Variants in EPB41L1 observed in about 807,000 individuals in gnomAD.
EPB41L1 encodes the protein band 4.1-like protein 1.
Under a neutral mutation model 97.8 loss-of-function variants are expected in EPB41L1, and 29 were observed. The observed-to-expected ratio is 0.30, with a 90% CI of 0.22 to 0.40. The LOEUF (loss-of-function observed/expected upper bound fraction) is 0.40. Among genes scored for constraint, EPB41L1 ranks in the 10% least tolerant of loss-of-function variants. The pLI, the probability that EPB41L1 is intolerant of heterozygous loss-of-function variation, is 1.00. For synonymous variants in EPB41L1, 383 were observed against 459.2 expected, an observed-to-expected ratio of 0.83 and a Z score of 2.12; for missense variants, 812 against 1,162.3, an observed-to-expected ratio of 0.70 and a Z score of 4.38.
chr20:36,139,740 A>T (rs1031456239), intron 2 of EPB41L1, among the ~76,000 whole-genome samples: 20 of 151,762 alleles, frequency 1.3e-4, no homozygotes, highest in African/African-American at 2.2e-4. Context: ...TTATTTATTT[A>T]TTTTTTTTAA....
At position 36,114,396 on chromosome 20, in the gene EPB41L1, T is replaced by C. The variant is rs147410971; in HGVS notation, c.-10+1916T>C. Among the ~76,000 whole-genome samples the C allele has an allele frequency of 7.9e-5, 12 of 152,190 alleles. No homozygotes were observed. In the East Asian group the frequency reaches 2.3e-3, roughly 29 times the overall value. On this transcript the variant is annotated intron_variant, in intron 2 of 19. Transcript: ENST00000202028. Reference sequence around the variant, plus strand: ...GGGTCTAAAGACCACTGGGTCAGGGTATTCTTGAGAACATGCTTTGAAAAC... The same window carrying C: ...GGGTCTAAAGACCACTGGGTCAGGGCATTCTTGAGAACATGCTTTGAAAAC...
chr20:36,218,972 C>G lies in EPB41L1; in HGVS notation c.2355+10C>G, dbSNP rs1188629339. ...CCGTTCTCTTTCTCCGGTAAGTGGGCAAGGCCAGCTCAGGCTAGGGGACTC... is the reference window on the plus strand; with the variant it reads ...CCGTTCTCTTTCTCCGGTAAGTGGGGAAGGCCAGCTCAGGCTAGGGGACTC... On this transcript the variant is annotated intron_variant, in intron 18 of 21. Transcript: ENST00000338074. 3 of 1,613,576 alleles carry G rather than the reference C, an allele frequency of 1.9e-6. No individual in the cohort carries two copies. Among genetic ancestry groups the G allele is most frequent in the Admixed American group, 1.7e-5 (1 of 59,986 alleles).
intron 14 of EPB41L1, among the ~76,000 whole-genome samples, chr20:36,208,849 G>T (rs953709666): frequency 6.6e-6 from 1 of 152,136 alleles, no homozygotes; most frequent in Non-Finnish European, 1.5e-5. Context: ...CTTGCCTGTG[G>T]TCCACTCATG....
intron 2 of EPB41L1, chr20:36,125,635 G>T (rs1336082220): frequency 1.3e-6 from 2 of 1,486,186 alleles, no homozygotes; most frequent in African/African-American, 1.4e-5. Flanking sequence ...TCCTGTGTGT[G>T]TTGGGGACGG....
chr20:36,198,614 G>A (rs959891928), intron 14 of EPB41L1, among the ~76,000 whole-genome samples: 2 of 152,218 alleles, frequency 1.3e-5, no homozygotes, highest in Non-Finnish European at 2.9e-5. Flanking sequence ...CACATGACCT[G>A]CCTTTCCGAG....
chr20:36,146,505 T>G (rs2059838170), intron 2 of EPB41L1, among the ~76,000 whole-genome samples: 1 of 152,206 alleles, frequency 6.6e-6, no homozygotes, highest in African/African-American at 2.4e-5. Flanking sequence ...ACAGACGACT[T>G]CTCTGCCCAG....
At position 36,185,102 on chromosome 20, in the gene EPB41L1, C is replaced by A; in HGVS notation, c.567-15C>A. The A allele has an allele frequency of 6.2e-7, 1 of 1,611,810 alleles. No individual in the cohort carries two copies. The highest frequency in any genetic ancestry group is 8.5e-7 in the Non-Finnish European group (1 of 1,179,866). On this transcript the variant is annotated splice_polypyrimidine_tract_variant and intron_variant, in intron 6 of 21. Transcript: ENST00000338074. ...GTAGGGCCCTGTGCCCATGCTGGCT[C>A]TCCCCTATCTCCAGATACTACCTGT...
intron 1 of EPB41L1, among the ~76,000 whole-genome samples, chr20:36,172,270 G>T (rs937532169): frequency 9.9e-5 from 15 of 152,090 alleles, no homozygotes; most frequent in African/African-American, 3.6e-4. Context: ...GTAGAGACGG[G>T]GTTTCACCAT....
chr20:36,214,454 A>G lies in EPB41L1; in HGVS notation c.2268+14A>G, dbSNP rs1227300077. On this transcript the variant is annotated intron_variant, in intron 17 of 21. Transcript: ENST00000338074. Reference sequence around the variant, plus strand: ...TCGACCACCATGGTAAGTTGAACCCAGGAGGCTTCCCTCTCTGACCAGCCC... The same window carrying G: ...TCGACCACCATGGTAAGTTGAACCCGGGAGGCTTCCCTCTCTGACCAGCCC... The G allele has an allele frequency of 6.2e-7, 1 of 1,608,540 alleles. No individual in the cohort carries two copies. The highest frequency in any genetic ancestry group is 8.5e-7 in the Non-Finnish European group (1 of 1,177,200).
At chr20:36,154,624 C>G (rs1382465600), upstream of EPB41L1, 2 of 944,270 alleles carry the variant, frequency 2.1e-6, no homozygotes, top group African/African-American at 3.7e-5. This position sits in a 1 kb window ranked among gnomAD's most constrained non-coding sequence, Gnocchi z 5.5. Context: ...GGGCTGGGCT[C>G]CGAGGCCGGG....
Position 36,154,769 on chromosome 20 carries a change from C to T in EPB41L1, c.-142C>T, listed in dbSNP as rs959292121. 2.5e-5 allele frequency: 25 copies of T among 986,566 alleles called. No individual in the cohort carries two copies. Among genetic ancestry groups the T allele is most frequent in the Non-Finnish European group, 2.9e-5 (24 of 830,736 alleles). 61.1% of individuals were successfully genotyped at this position (986,566 alleles called of 1,614,324 possible). On this transcript the variant is annotated 5_prime_UTR_variant, in exon 1 of 22. Transcript: ENST00000338074. This position sits in a 1 kb window ranked among gnomAD's most constrained non-coding sequence, Gnocchi z 5.5. Reference sequence around the variant, plus strand: ...GGCATCCATCAGCGGGCGGGGGTGTCGCCGAACAGGCTGCTCCGCAGAGCC... The same window carrying T: ...GGCATCCATCAGCGGGCGGGGGTGTTGCCGAACAGGCTGCTCCGCAGAGCC...
chr20:36,202,052 T>C (rs959330194), intron 14 of EPB41L1, among the ~76,000 whole-genome samples: 1 of 152,160 alleles, frequency 6.6e-6, no homozygotes, highest in Non-Finnish European at 1.5e-5. Context: ...AACAAAACTA[T>C]CCGCACACTC....
chr20:36,229,485 C>CAT lies in EPB41L1; in HGVS notation c.*155_*156dup, dbSNP rs1031997943. ...TGATGAGAGACTGGGAAGGGAAAAG[C>CAT]ATATATATATAGATATATAGAGATA... On this transcript the variant is annotated 3_prime_UTR_variant, in exon 22 of 22. Coordinates refer to ENST00000338074, the MANE Select transcript of EPB41L1 (RefSeq NM_012156.2). 25 of 761,548 alleles carry CAT rather than the reference C, an allele frequency of 3.3e-5. No homozygotes were observed. Among genetic ancestry groups the CAT allele is most frequent in the Admixed American group, 1.4e-4 (7 of 51,212 alleles). The allele number at this position is 761,548 out of a possible 1,614,324, so 47.2% of individuals were successfully genotyped here.
chr20:36,175,727 C>T lies in EPB41L1; in HGVS notation c.342+12C>T, dbSNP rs1328221991. The stretch of plus-strand genomic sequence containing the variant: ...AGTGTGAGGTGGAGGTAGGGGAGCA[C>T]TGAGTGCCATATGTCCCGTCCCCGG... On this transcript the variant is annotated intron_variant, in intron 3 of 21. Coordinates refer to ENST00000338074, the MANE Select transcript of EPB41L1 (RefSeq NM_012156.2). 3 of 1,613,714 alleles carry T rather than the reference C, an allele frequency of 1.9e-6. No individual in the cohort carries two copies. Among genetic ancestry groups the T allele is most frequent in the African/African-American group, 1.3e-5 (1 of 74,894 alleles).
chr20:36,102,881 A>C (rs1419853739), intron 1 of EPB41L1, among the ~76,000 whole-genome samples: 1 of 152,204 alleles, frequency 6.6e-6, no homozygotes, highest in Non-Finnish European at 1.5e-5. Flanking sequence ...CATGTGGGTC[A>C]GTGCCAAGGG....
At chr20:36,143,770 C>A (rs1410864117) in intron 2 of EPB41L1, among the ~76,000 whole-genome samples, 1 of 152,052 alleles carries the variant, frequency 6.6e-6, no homozygotes, top group Non-Finnish European at 1.5e-5. Context: ...GTACATTTTT[C>A]TAGGAGAAGC....
At chr20:36,210,198 C>T (rs966871769) in intron 15 of EPB41L1, among the ~76,000 whole-genome samples, 4 of 152,196 alleles carry the variant, frequency 2.6e-5, no homozygotes, top group Admixed American at 6.5e-5. Flanking sequence ...TGCATGGCAC[C>T]TGCAGAGAGC....
intron 21 of EPB41L1, among the ~76,000 whole-genome samples, chr20:36,222,786 G>A (rs1298111630): frequency 2.0e-5 from 3 of 152,146 alleles, no homozygotes; most frequent in Admixed American, 6.5e-5. Context: ...AGTCCTACTA[G>A]GCCCAGTGCC....
Position 36,190,521 on chromosome 20 carries a change from T to C in EPB41L1, c.1125-101T>C. ...CTTCCTGGACCACTTTGAATTGTTG[T>C]AGTTGGTGGAGTAGTGGGATGAAAG... On this transcript the variant is annotated intron_variant, in intron 10 of 21. Transcript: ENST00000338074. The surrounding 1 kb of genome is among the most constrained non-coding windows in gnomAD (Gnocchi z 5.8). The C allele has an allele frequency of 6.4e-7, 1 of 1,555,730 alleles. No individual in the cohort carries two copies. The highest frequency in any genetic ancestry group is 8.8e-7 in the Non-Finnish European group (1 of 1,133,682).
Sources: allele counts gnomAD v4.1 joint callset (sites outside exome capture counted in the v4.1 genomes callset), GRCh38; gene constraint gnomAD v4.1.1; non-coding constraint Gnocchi (gnomAD v3.1); transcripts MANE v1.5; gene names NCBI Gene and HGNC (gene_info 2026-07-23, HGNC 2026-07-21).